Variants in ZFHX4 observed in about 807,000 individuals in gnomAD.
The protein encoded by ZFHX4 is zinc finger homeobox protein 4.
In ZFHX4, 56 loss-of-function variants were observed where a neutral mutation model predicts 267.6. The observed-to-expected ratio is 0.21, with a 90% CI of 0.17 to 0.26. ZFHX4 has a LOEUF of 0.26. Ranked by LOEUF, ZFHX4 falls within the 10% of genes least tolerant of loss-of-function variation. The pLI is 1.00. For synonymous variants in ZFHX4, 1,778 were observed against 1,665.6 expected, an observed-to-expected ratio of 1.07 and a Z score of -1.64; for missense variants, 4,332 against 4,420.0, an observed-to-expected ratio of 0.98 and a Z score of 0.56.
At chr8:76,715,916 A>C (rs181500776) in intron 3 of ZFHX4, among the ~76,000 whole-genome samples, 29 of 152,242 alleles carry the variant, frequency 1.9e-4, no homozygotes, top group East Asian at 3.9e-4. Flanking sequence ...TCTGTTGCTT[A>C]AGGGGTTAGT....
Position 76,713,524 on chromosome 8 carries a change from C to T in ZFHX4, c.3093+5476C>T, listed in dbSNP as rs1474598742. ...TATGTCTTTTCTTAACCAACGCCAC[C>T]GTCTGCCTACACATCAGGAAAATAC... On this transcript the variant is annotated intron_variant, in intron 3 of 10. Coordinates refer to ENST00000651372, the MANE Select transcript of ZFHX4 (RefSeq NM_024721.5). Among the ~76,000 whole-genome samples, 4 of 152,122 alleles carry T rather than the reference C, an allele frequency of 2.6e-5. No homozygotes were observed. In the East Asian group the frequency reaches 5.8e-4, roughly 22 times the overall value.
chr8:76,804,349 T>C (rs1811194118), intron 4 of ZFHX4, among the ~76,000 whole-genome samples: 1 of 152,138 alleles, frequency 6.6e-6, no homozygotes, highest in African/African-American at 2.4e-5. Context: ...TTTAGTGACT[T>C]TATGATTTCT....
intron 4 of ZFHX4, among the ~76,000 whole-genome samples, chr8:76,779,766 C>A (rs937840880): frequency 1.3e-5 from 2 of 151,976 alleles, no homozygotes; most frequent in African/African-American, 2.4e-5. Flanking sequence ...GACTGGGCTG[C>A]GTGCCACGAT....
chr8:76,683,578 AT>A (rs1311218237), intron 1 of ZFHX4, among the ~76,000 whole-genome samples: 1 of 151,112 alleles, frequency 6.6e-6, no homozygotes, highest in Non-Finnish European at 1.5e-5. Context: ...ACTCTGTTCC[AT>A]GTTTAATCAA....
In ZFHX4 at chr8:76,864,453, A is replaced by G; in HGVS notation, c.10739A>G (p.Glu3580Gly). ...AGTTGTTCAGATGAGTCTGACAGTG[A>G]GCTGAGCCAGAAGCTAGAAGACTTA... Reference protein sequence around the residue: ...TESCSDESDSELSQKLEDLDN... With the variant: ...TESCSDESDSGLSQKLEDLDN... Residue 3580 changes from glutamate to glycine, a missense_variant, in exon 11 of 11, where the codon GAG (glutamate) becomes GGG (glycine). Around this residue, in one of 7 missense-constraint regions of ZFHX4, gnomAD observed 1,648 missense variants for 1,625.0 expected, o/e 1.01. Transcript: ENST00000651372. 6.2e-7 allele frequency: 1 copy of G among 1,613,794 alleles called. No homozygotes were observed. The highest frequency in any genetic ancestry group is 8.5e-7 in the Non-Finnish European group (1 of 1,179,846).
intron 10 of ZFHX4, among the ~76,000 whole-genome samples, chr8:76,861,377 C>T (rs555125511): frequency 3.3e-5 from 5 of 152,158 alleles, no homozygotes; most frequent in African/African-American, 7.2e-5. Flanking sequence ...TCCTAGGACT[C>T]GGTTTCCTTA....
At chr8:76,721,066 C>A (rs1004453851) in intron 3 of ZFHX4, among the ~76,000 whole-genome samples, 1 of 151,974 alleles carries the variant, frequency 6.6e-6, no homozygotes, top group Non-Finnish European at 1.5e-5. Context: ...ACAGGTGCAA[C>A]TGTAATAGTT....
intron 4 of ZFHX4, 91 bp downstream of exon 4, chr8:76,778,530 A>C: frequency 9.4e-7 from 1 of 1,063,978 alleles, no homozygotes; most frequent in South Asian, 1.3e-5. Flanking sequence ...CACACGCCTC[A>C]AACTCTCCAA....
chr8:76,723,999 T>C (rs776011007), intron 3 of ZFHX4, among the ~76,000 whole-genome samples: 2 of 152,008 alleles, frequency 1.3e-5, no homozygotes, highest in African/African-American at 2.4e-5. Context: ...CATTTACCAC[T>C]GAGATTTTTA....
In ZFHX4 at chr8:76,863,856, C is replaced by T. The variant is rs1216202883; in HGVS notation, c.10142C>T (p.Pro3381Leu). 6.4e-7 allele frequency: 1 copy of T among 1,556,432 alleles called. No homozygotes were observed. Among genetic ancestry groups the T allele is most frequent in the Non-Finnish European group, 8.7e-7 (1 of 1,149,434 alleles). ...STATESTKEE[P>L]QLESKSADFS... Reference sequence around the variant, plus strand: ...GCTACAGAAAGCACAAAAGAAGAACCCCAGTTAGAATCCAAAAGTGCAGAC... The same window carrying T: ...GCTACAGAAAGCACAAAAGAAGAACTCCAGTTAGAATCCAAAAGTGCAGAC... Residue 3381 changes from proline (P) to leucine (L), a missense_variant, in exon 11 of 11, where the codon CCC becomes CTC. By Grantham distance (98) the Pro-to-Leu change is moderately conservative (BLOSUM62 -3). This residue lies in a region of ZFHX4 where 1,648 missense variants were observed against 1,625.0 expected (regional missense o/e 1.01). Transcript: ENST00000651372.
chr8:76,856,391 C>T (rs1431034954), intron 10 of ZFHX4, 91 bp downstream of exon 10: 11 of 1,418,904 alleles, frequency 7.8e-6, no homozygotes, highest in Non-Finnish European at 1.1e-5. Context: ...CTTTGGATTT[C>T]TTTTAATTTC....
Position 76,727,168 on chromosome 8 carries a change from TGA to T in ZFHX4, c.3093+19124_3093+19125del, listed in dbSNP as rs1808875106. Reference sequence around the variant, plus strand: ...TGCGTGCATCAACTGTGACATCTACTGAGAGTGACAGGCAGGGCAAGAGGGTA... The same window carrying T: ...TGCGTGCATCAACTGTGACATCTACTGAGTGACAGGCAGGGCAAGAGGGTA... On this transcript the variant is annotated intron_variant, in intron 3 of 10. Coordinates refer to ENST00000651372, the MANE Select transcript of ZFHX4 (RefSeq NM_024721.5). 1.3e-5 allele frequency among the ~76,000 whole-genome samples: 2 copies of T among 152,128 alleles called. 1 individual carries two copies. Among genetic ancestry groups the T allele is most frequent in the South Asian group, 4.2e-4 (2 of 4,818 alleles).
Position 76,855,598 on chromosome 8 carries a change from G to A in ZFHX4, c.8677G>A (p.Asp2893Asn), listed in dbSNP as rs1295333743. The A allele has an allele frequency of 6.2e-7, 1 of 1,613,716 alleles. No homozygotes were observed. The highest frequency in any genetic ancestry group is 1.3e-5 in the African/African-American group (1 of 74,896). ...AAGCTTTTACATCACAGATGACCCG[G>A]ATGACAACGCCGACCGCAGCGAAAC... ...DQSFYITDDP[D>N]DNADRSETSS... Residue 2893 changes from aspartate (D) to asparagine (N), a missense_variant, in exon 10 of 11, where the codon GAT becomes AAT. By Grantham distance (23) the Asp-to-Asn change is conservative. Around this residue, in one of 7 missense-constraint regions of ZFHX4, gnomAD observed 1,648 missense variants for 1,625.0 expected, o/e 1.01. Transcript: ENST00000651372.
intron 1 of ZFHX4, among the ~76,000 whole-genome samples, chr8:76,698,586 A>C (rs1352181417): frequency 7.9e-6 from 1 of 126,598 alleles, no homozygotes; most frequent in East Asian, 2.5e-4. Flanking sequence ...GAAGAGAAAG[A>C]AAAGAATGAG....
chr8:76,686,811 T>G (rs1023986058), intron 1 of ZFHX4, among the ~76,000 whole-genome samples: 5 of 152,242 alleles, frequency 3.3e-5, no homozygotes, highest in African/African-American at 9.6e-5. Context: ...ATCCCTGGTC[T>G]CTAGCACTCT....
chr8:76,825,794 T>C (rs1811768614), intron 4 of ZFHX4, among the ~76,000 whole-genome samples: 1 of 152,182 alleles, frequency 6.6e-6, no homozygotes, highest in South Asian at 2.1e-4. Context: ...ACTTGTGACA[T>C]TGATTCAACT....
In ZFHX4 at chr8:76,853,384, A is replaced by G; in HGVS notation, c.6463A>G (p.Ser2155Gly). 1.2e-6 allele frequency: 2 copies of G among 1,613,906 alleles called. No homozygotes were observed. Among genetic ancestry groups the G allele is most frequent in the South Asian group, 1.1e-5 (1 of 91,090 alleles). The part of the protein sequence containing the change: ...RAYFDINNSP[S>G]EEQIQEMAEK... The stretch of plus-strand genomic sequence containing the variant: ...TTATTTTGACATTAATAATTCTCCA[A>G]GTGAAGAACAGATCCAGGAAATGGC... Residue 2155 changes from serine to glycine, a missense_variant, in exon 10 of 11, where the codon AGT (serine) becomes GGT (glycine). Ser to Gly is a moderately conservative substitution (Grantham distance 56). This residue lies in a region of ZFHX4 where 48 missense variants were observed against 95.4 expected (regional missense o/e 0.50). Transcript: ENST00000651372.
At chr8:76,810,630 C>T (rs1396641539) in intron 4 of ZFHX4, among the ~76,000 whole-genome samples, 3 of 152,038 alleles carry the variant, frequency 2.0e-5, no homozygotes, top group Non-Finnish European at 2.9e-5. Context: ...TTTTACCCTT[C>T]GGCTTCTGTA....
intron 3 of ZFHX4, among the ~76,000 whole-genome samples, chr8:76,726,356 A>T (rs1808852931): frequency 6.6e-6 from 1 of 152,108 alleles, no homozygotes; most frequent in Admixed American, 6.6e-5. Context: ...TTAAAACTAC[A>T]TTTTTTATTG....
Sources: allele counts gnomAD v4.1 joint callset (sites outside exome capture counted in the v4.1 genomes callset), GRCh38; gene constraint gnomAD v4.1.1; regional missense constraint gnomAD v4.1.1; transcripts MANE v1.5; gene names NCBI Gene and HGNC (gene_info 2026-07-23, HGNC 2026-07-21).